Variants in GHR observed in about 807,000 individuals in gnomAD.
GHR encodes growth hormone receptor, also known as GH receptor.
Under a neutral mutation model 67.1 loss-of-function variants are expected in GHR, and 35 were observed. The observed-to-expected ratio is 0.52, with a 90% CI of 0.40 to 0.69. The LOEUF is 0.69. Among genes scored for constraint, GHR ranks in the 30% least tolerant of loss-of-function variants. The pLI is 0.00. For synonymous variants in GHR, 272 were observed against 269.1 expected, an observed-to-expected ratio of 1.01 and a Z score of -0.10; for missense variants, 792 against 764.6, an observed-to-expected ratio of 1.04 and a Z score of -0.42.
At chr5:42,453,265 CA>C (rs1744126224) in intron 1 of GHR, among the ~76,000 whole-genome samples, 1 of 152,066 alleles carries the variant, frequency 6.6e-6, no homozygotes, top group Non-Finnish European at 1.5e-5. Flanking sequence ...GCTGGAATGG[CA>C]GGGATCCCTT....
chr5:42,645,756 T>C (rs1345479118), intron 3 of GHR, among the ~76,000 whole-genome samples: 1 of 152,234 alleles, frequency 6.6e-6, no homozygotes, highest in South Asian at 2.1e-4. Context: ...TTCAAGCTCA[T>C]ATAAACAAGA....
chr5:42,609,285 T>C (rs968644885), intron 2 of GHR, among the ~76,000 whole-genome samples: 1 of 152,092 alleles, frequency 6.6e-6, no homozygotes, highest in Non-Finnish European at 1.5e-5. Flanking sequence ...AGGGGACAGG[T>C]GCCAATGGCT....
At chr5:42,555,123 A>G (rs1749238555) in intron 1 of GHR, among the ~76,000 whole-genome samples, 1 of 152,206 alleles carries the variant, frequency 6.6e-6, no homozygotes, top group South Asian at 2.1e-4. Flanking sequence ...CTGGCCAAAT[A>G]GACTTCTATT....
chr5:42,525,039 AAATGTGGG>A (rs1490296798), intron 1 of GHR, among the ~76,000 whole-genome samples: 3 of 152,346 alleles, frequency 2.0e-5, no homozygotes, highest in African/African-American at 7.2e-5. Context: ...TGCAGAAAGG[AAATGTGGG>A]GTCAGAGCCC....
chr5:42,617,215 C>A (rs1439450441), intron 2 of GHR, among the ~76,000 whole-genome samples: 2 of 151,092 alleles, frequency 1.3e-5, no homozygotes, highest in Non-Finnish European at 3.0e-5. Flanking sequence ...TTCTATAGAT[C>A]CCCTTTTTGT....
chr5:42,503,311 C>T (rs1262240116), intron 1 of GHR, among the ~76,000 whole-genome samples: 1 of 152,012 alleles, frequency 6.6e-6, no homozygotes, highest in Non-Finnish European at 1.5e-5. Context: ...ATGGAATGTG[C>T]TAGTAAAATA....
intron 1 of GHR, among the ~76,000 whole-genome samples, chr5:42,537,020 T>C (rs1368077812): frequency 1.3e-5 from 2 of 152,160 alleles, no homozygotes; most frequent in African/African-American, 2.4e-5. Flanking sequence ...CCCCATTTTG[T>C]TTCTTAATGA....
Position 42,616,030 on chromosome 5 carries a change from C to A in GHR, c.71-13008C>A, listed in dbSNP as rs1753130434. Among the ~76,000 whole-genome samples, 2 of 151,856 alleles carry A rather than the reference C, an allele frequency of 1.3e-5. 1 individual carries two copies. Among genetic ancestry groups the A allele is most frequent in the South Asian group, 4.2e-4 (2 of 4,792 alleles). On this transcript the variant is annotated intron_variant, in intron 2 of 9. Coordinates refer to ENST00000230882, the MANE Select transcript of GHR (RefSeq NM_000163.5). ...CAACATACACTTGGGTCACGTTTTT[C>A]TGTTAGGAAATATCATACTAATGAT...
chr5:42,535,756 C>T (rs754575043), intron 1 of GHR, among the ~76,000 whole-genome samples: 1 of 152,022 alleles, frequency 6.6e-6, no homozygotes, highest in African/African-American at 2.4e-5. Context: ...GCAGTGTGAT[C>T]GTTTTCACAA....
chr5:42,632,439 C>G (rs1028942148), intron 3 of GHR, among the ~76,000 whole-genome samples: 8 of 152,184 alleles, frequency 5.3e-5, no homozygotes, highest in African/African-American at 9.7e-5. Flanking sequence ...TAAAATTAAC[C>G]CATGCTATGC....
chr5:42,501,646 T>C (rs1290101422), intron 1 of GHR, among the ~76,000 whole-genome samples: 1 of 152,174 alleles, frequency 6.6e-6, no homozygotes, highest in Admixed American at 6.5e-5. Context: ...GCTAGTGACT[T>C]CCTTCCCCTC....
At chr5:42,682,142 C>G (rs1212864807) in intron 3 of GHR, among the ~76,000 whole-genome samples, 2 of 152,048 alleles carry the variant, frequency 1.3e-5, no homozygotes, top group Admixed American at 1.3e-4. Context: ...AGCTGGAAAC[C>G]ATCATTCTCA....
chr5:42,699,892 G>C lies in GHR; in HGVS notation c.508G>C (p.Asp170His), dbSNP rs121909366. Residue 170 changes from aspartate to histidine, a missense_variant, in exon 6 of 10, where the codon GAT (aspartate) becomes CAT (histidine). Transcript: ENST00000230882. ...LNVSLTGIHA[D>H]IQVRWEAPRN... ...CGTCAGTTTAACTGGGATTCATGCA[G>C]ATATCCAAGTGAGATGGGAAGCACC... 7.5e-6 allele frequency: 12 copies of C among 1,602,190 alleles called. No individual in the cohort carries two copies. The South Asian group carries it at 1.3e-4, about 18-fold the overall frequency.
intron 1 of GHR, among the ~76,000 whole-genome samples, chr5:42,478,473 G>A (rs1215522654): frequency 4.6e-5 from 7 of 152,078 alleles, no homozygotes; most frequent in South Asian, 2.1e-4. Context: ...ATTACCTTGG[G>A]CAGTATGGCC....
rs1283520451 is a variant in GHR at position 42,572,114 on chromosome 5, A to C, written c.70+6170A>C. 2.0e-5 allele frequency among the ~76,000 whole-genome samples: 3 copies of C among 152,202 alleles called. No individual in the cohort carries two copies. In the East Asian group the frequency reaches 5.8e-4, roughly 29 times the overall value. ...ATTGATGATTTTCTCCTCACTGTGCATCGAAGTCAATGGGTTTATTACTGA... is the reference window on the plus strand; with the variant it reads ...ATTGATGATTTTCTCCTCACTGTGCCTCGAAGTCAATGGGTTTATTACTGA... On this transcript the variant is annotated intron_variant, in intron 2 of 9. Transcript: ENST00000230882.
At chr5:42,581,952 C>T (rs185206792) in intron 2 of GHR, among the ~76,000 whole-genome samples, 15 of 152,368 alleles carry the variant, frequency 9.8e-5, no homozygotes, top group Admixed American at 2.6e-4. Context: ...ACCCAGCACC[C>T]GCTCCGGGGT....
At chr5:42,618,381 G>A (rs1048467447) in intron 2 of GHR, among the ~76,000 whole-genome samples, 5 of 152,004 alleles carry the variant, frequency 3.3e-5, no homozygotes, top group African/African-American at 7.2e-5. Flanking sequence ...AGATAAATCC[G>A]TAAAATGTAT....
chr5:42,661,056 G>GA (rs957034731), intron 3 of GHR, among the ~76,000 whole-genome samples: 1 of 152,030 alleles, frequency 6.6e-6, no homozygotes, highest in South Asian at 2.1e-4. Flanking sequence ...GAAGTTTAGA[G>GA]AAAAAAGAAT....
intron 1 of GHR, among the ~76,000 whole-genome samples, chr5:42,496,941 G>A (rs1239215039): frequency 6.6e-6 from 1 of 152,194 alleles, no homozygotes; most frequent in Non-Finnish European, 1.5e-5. Flanking sequence ...CACTTTGCAT[G>A]TGAATAAGAG....
Sources: allele counts gnomAD v4.1 joint callset (sites outside exome capture counted in the v4.1 genomes callset), GRCh38; gene constraint gnomAD v4.1.1; transcripts MANE v1.5; gene names NCBI Gene and HGNC (gene_info 2026-07-23, HGNC 2026-07-21).